CATSPERE: variants seen among roughly 807,000 people sequenced by gnomAD.
CATSPERE encodes the protein cation channel sperm-associated auxiliary subunit epsilon.
CATSPERE carries 93 observed loss-of-function variants against 114.1 expected under a neutral mutation model. The ratio of observed to expected loss-of-function variants is 0.81; its 90% CI spans 0.69 to 0.97. The LOEUF is 0.97. Among genes scored for constraint, CATSPERE ranks in the 50% least tolerant of loss-of-function variants. The pLI is 0.00. For synonymous variants in CATSPERE, 341 were observed against 384.1 expected (o/e 0.89, Z 1.31); for missense variants, 1,058 against 1,131.6 (o/e 0.93, Z 0.93).
At chr1:244,618,845 A>G (rs1573032738) in intron 20 of CATSPERE, among the ~76,000 whole-genome samples, 1 of 152,218 alleles carries the variant, frequency 6.6e-6, no homozygotes, top group South Asian at 2.1e-4. Flanking sequence ...TGACGTTAAC[A>G]AGGAAAGAGG....
rs1572837856 is a variant in CATSPERE, at chr1:244,575,931, C to A, written c.1950+3159C>A. ...CTAAGACACCCTAAGAAATACTTCACCGCCTCCCATGGCTTTTCTTTCCTT... is the reference window on the plus strand; with the variant it reads ...CTAAGACACCCTAAGAAATACTTCAACGCCTCCCATGGCTTTTCTTTCCTT... On this transcript the variant is annotated intron_variant, in intron 11 of 21. Transcript: ENST00000366534. The surrounding 1 kb of genome is among the most constrained non-coding windows in gnomAD (Gnocchi z 4.5). Among the ~76,000 whole-genome samples, 1 of 152,104 alleles carries A rather than the reference C, an allele frequency of 6.6e-6. No homozygotes were observed. Among genetic ancestry groups the A allele is most frequent in the East Asian group, 1.9e-4 (1 of 5,172 alleles).
intron 6 of CATSPERE, among the ~76,000 whole-genome samples, chr1:244,494,839 C>T (rs1038917583): frequency 1.3e-5 from 2 of 152,044 alleles, no homozygotes; most frequent in African/African-American, 2.4e-5. Flanking sequence ...AAGATGATTG[C>T]GTAAGCTCAT....
Position 244,633,450 on chromosome 1 carries a change from AT to A in CATSPERE, c.2649-2038del, listed in dbSNP as rs1674219601. On this transcript the variant is annotated intron_variant, in intron 20 of 21. Coordinates refer to ENST00000366534, the MANE Select transcript of CATSPERE (RefSeq NM_001130957.2). The surrounding 1 kb of genome is among the most constrained non-coding windows in gnomAD (Gnocchi z 4.1). ...ACAGCTGGGTTGTTTACTACTATGT[AT>A]AATTTTTCCATATGGCCCACTTACA... Among the ~76,000 whole-genome samples the A allele has an allele frequency of 6.6e-6, 1 of 152,316 alleles. No homozygotes were observed. The highest frequency in any genetic ancestry group is 1.5e-5 in the Non-Finnish European group (1 of 68,032).
In CATSPERE at chr1:244,496,765, T is replaced by G. The variant is rs74639863; in HGVS notation, c.352-2237T>G. Among the ~76,000 whole-genome samples, 808 of 152,230 alleles carry G rather than the reference T, an allele frequency of 5.3e-3. 10 individuals are homozygous for G. Among genetic ancestry groups the G allele is most frequent in the African/African-American group, 0.019 (777 of 41,522 alleles). The stretch of plus-strand genomic sequence containing the variant: ...ATTGCTATGGATTAAACAAAAACAG[T>G]GTTCAGAAAAACACTGAATAAGAAC... On this transcript the variant is annotated intron_variant, in intron 6 of 21. Coordinates refer to ENST00000366534, the MANE Select transcript of CATSPERE (RefSeq NM_001130957.2).
chr1:244,479,179 C>T (rs994709317), intron 4 of CATSPERE, among the ~76,000 whole-genome samples: 20 of 151,904 alleles, frequency 1.3e-4, no homozygotes, highest in African/African-American at 3.9e-4. Flanking sequence ...CCGCATCCTC[C>T]GCCTCCTGGG....
chr1:244,452,978 G>A (rs2148029106), upstream of CATSPERE, among the ~76,000 whole-genome samples: 1 of 152,318 alleles, frequency 6.6e-6, no homozygotes, highest in South Asian at 2.1e-4. Flanking sequence ...CAAATCGCCT[G>A]TACATACTGT....
intron 19 of CATSPERE, among the ~76,000 whole-genome samples, chr1:244,611,290 G>C (rs1053612970): frequency 6.6e-6 from 1 of 151,994 alleles, no homozygotes; most frequent in Non-Finnish European, 1.5e-5. Flanking sequence ...CTTTTCTACT[G>C]TTTAAAAATC....
At chr1:244,514,003 TG>T (rs1252822290) in intron 7 of CATSPERE, among the ~76,000 whole-genome samples, 2 of 152,248 alleles carry the variant, frequency 1.3e-5, no homozygotes, top group Non-Finnish European at 2.9e-5. Flanking sequence ...TAATGTTTTA[TG>T]AGATATGTGA....
intron 21 of CATSPERE, among the ~76,000 whole-genome samples, chr1:244,637,376 G>C (rs2806599): frequency 0.17 from 25,573 of 151,840 alleles, 2,276 homozygotes; most frequent in East Asian, 0.28. Context: ...ATCCAAAATC[G>C]TGGCCTTACC....
chr1:244,479,731 CT>C lies in CATSPERE; in HGVS notation c.274del (p.Tyr92IlefsTer52). 6.3e-7 allele frequency: 1 copy of C among 1,599,830 alleles called. No individual in the cohort carries two copies. The highest frequency in any genetic ancestry group is 8.5e-7 in the Non-Finnish European group (1 of 1,170,358). On this transcript the variant is annotated frameshift_variant, in exon 5 of 22. Transcript: ENST00000366534. LOFTEE classifies it high-confidence loss of function. ...TTTTCTTTTAGGATGAAGAAGAACG[CT>C]ATTTATTTGTGGAAAGTTCTCATAC... ...IVTGPDEEERYLFVESSHTCF... is the reference protein window; with the variant it reads ...IVTGPDEEERXLFVESSHTCF...
Position 244,572,679 on chromosome 1 carries a change from G to A in CATSPERE, c.1857G>A (p.Leu619=). 1 of 1,613,870 alleles carries A rather than the reference G, an allele frequency of 6.2e-7. No individual in the cohort carries two copies. The highest frequency in any genetic ancestry group is 8.5e-7 in the Non-Finnish European group (1 of 1,179,844). The part of the protein sequence containing the change: ...TQIVYPENTG[L]YVIVESYGPK... ...TCGTCTATCCAGAAAACACTGGTCT[G>A]TATGTTATTGTGGAATCTTATGGCC... is the stretch of plus-strand genomic sequence containing the variant. Residue 619 remains leucine, a synonymous_variant, in exon 11 of 22, where the codon CTG becomes CTA. Coordinates refer to ENST00000366534, the MANE Select transcript of CATSPERE (RefSeq NM_001130957.2).
chr1:244,618,788 AT>A (rs1309914637), intron 20 of CATSPERE, among the ~76,000 whole-genome samples: 1 of 152,222 alleles, frequency 6.6e-6, no homozygotes, highest in African/African-American at 2.4e-5. Context: ...TCTCAAAAAA[AT>A]AAAAATAAAA....
At chr1:244,559,488 C>G (rs1662212683) in intron 9 of CATSPERE, among the ~76,000 whole-genome samples, 1 of 152,024 alleles carries the variant, frequency 6.6e-6, no homozygotes, top group African/African-American at 2.4e-5. Context: ...GTAAAAATCC[C>G]AAAAAATTAG....
At chr1:244,523,079 A>G (rs1013514150) in intron 8 of CATSPERE, among the ~76,000 whole-genome samples, 1 of 147,918 alleles carries the variant, frequency 6.8e-6, no homozygotes, top group Non-Finnish European at 1.5e-5. Flanking sequence ...TTGATGCAAA[A>G]ATCCTCAATA....
chr1:244,481,008 C>T (rs2148167415), intron 5 of CATSPERE, among the ~76,000 whole-genome samples: 1 of 152,338 alleles, frequency 6.6e-6, no homozygotes, highest in Middle Eastern at 3.4e-3. Context: ...GGCGCAGTGG[C>T]TCATGCCTGT....
At chr1:244,555,374 C>A (rs1441243403) in intron 9 of CATSPERE, among the ~76,000 whole-genome samples, 1 of 142,874 alleles carries the variant, frequency 7.0e-6, no homozygotes, top group East Asian at 2.0e-4. Flanking sequence ...CATAGCGAGA[C>A]TCCATCCCAA....
At chr1:244,564,564 A>G (rs375650197) in intron 10 of CATSPERE, among the ~76,000 whole-genome samples, 52 of 152,286 alleles carry the variant, frequency 3.4e-4, no homozygotes, top group African/African-American at 1.3e-3. Context: ...TTATTGGTCT[A>G]TAGGAATGCT....
rs972917303 is a variant in CATSPERE at position 244,568,351 on chromosome 1, C to G, written c.1508-3979C>G. Among the ~76,000 whole-genome samples the G allele has an allele frequency of 6.6e-6, 1 of 152,204 alleles. No homozygotes were observed. The highest frequency in any genetic ancestry group is 2.4e-5 in the African/African-American group (1 of 41,456). ...ACCCACTTGAGGAAGCCGTCTGTCCCTTAGCAGAGCTTGAGGGCTGTGCTC... is the reference window on the plus strand; with the variant it reads ...ACCCACTTGAGGAAGCCGTCTGTCCGTTAGCAGAGCTTGAGGGCTGTGCTC... On this transcript the variant is annotated intron_variant, in intron 10 of 21. Transcript: ENST00000366534. This position sits in a 1 kb window ranked among gnomAD's most constrained non-coding sequence, Gnocchi z 4.4.
At chr1:244,529,849 G>C (rs1679308505) in intron 8 of CATSPERE, among the ~76,000 whole-genome samples, 1 of 152,026 alleles carries the variant, frequency 6.6e-6, no homozygotes, top group Non-Finnish European at 1.5e-5. Context: ...TATAGTTTGA[G>C]GTTTTAGACT....
Sources: allele counts gnomAD v4.1 joint callset (sites outside exome capture counted in the v4.1 genomes callset), GRCh38; gene constraint gnomAD v4.1.1; non-coding constraint Gnocchi (gnomAD v3.1); transcripts MANE v1.5; gene names NCBI Gene and HGNC (gene_info 2026-07-23, HGNC 2026-07-21).